Variants in PDE1C observed in about 807,000 individuals in gnomAD.
PDE1C encodes dual specificity calcium/calmodulin-dependent 3',5'-cyclic nucleotide phosphodiesterase 1C.
Under a neutral mutation model 93.1 loss-of-function variants are expected in PDE1C, and 62 were observed. The observed-to-expected ratio is 0.67, with a 90% CI of 0.54 to 0.82. The LOEUF (loss-of-function observed/expected upper bound fraction) is 0.82, where lower values mean the gene tolerates loss of function less well. Ranked by LOEUF, PDE1C falls within the 40% of genes least tolerant of loss-of-function variation. The pLI is 0.00. For synonymous variants in PDE1C, 325 were observed against 310.1 expected (o/e 1.05, Z -0.50); for missense variants, 742 against 884.6 (o/e 0.84, Z 2.04).
chr7:32,071,639 G>A (rs1322852994), upstream of PDE1C, among the ~76,000 whole-genome samples: 1 of 152,170 alleles, frequency 6.6e-6, no homozygotes, highest in Non-Finnish European at 1.5e-5. Flanking sequence ...TGTGGATGGT[G>A]ACAAAGTTTC....
intron 3 of PDE1C, among the ~76,000 whole-genome samples, chr7:32,131,817 C>T (rs1799934661): frequency 1.3e-5 from 2 of 152,076 alleles, no homozygotes; most frequent in African/African-American, 4.8e-5. Flanking sequence ...TTGTTTTAGA[C>T]ACTGGGGACA....
chr7:31,701,166 C>G, the PDE1C span, among the ~76,000 whole-genome samples: 1 of 152,100 alleles, frequency 6.6e-6, no homozygotes, highest in Non-Finnish European at 1.5e-5. Context: ...CTTCTGGAAA[C>G]AATTTGGTAT....
At chr7:31,816,245 T>A in intron 14 of PDE1C, 91 bp from the exon 15 acceptor site, 1 of 1,177,646 alleles carries the variant, frequency 8.5e-7, no homozygotes, top group Non-Finnish European at 1.2e-6. Flanking sequence ...ACAAAGAGTA[T>A]CTAAGGTGTT....
intron 1 of PDE1C, among the ~76,000 whole-genome samples, chr7:32,287,133 C>T (rs1043803848): frequency 2.0e-5 from 3 of 152,210 alleles, no homozygotes; most frequent in Non-Finnish European, 2.9e-5. Flanking sequence ...ACTGATTCTC[C>T]ACAGCATAGC....
chr7:31,821,591 A>T (rs921316339), intron 14 of PDE1C, among the ~76,000 whole-genome samples: 1 of 152,096 alleles, frequency 6.6e-6, no homozygotes, highest in African/African-American at 2.4e-5. Context: ...ATTTGAATGG[A>T]CTAGGAGAGG....
chr7:31,933,726 G>C (rs930675524), intron 2 of PDE1C, among the ~76,000 whole-genome samples: 1 of 152,156 alleles, frequency 6.6e-6, no homozygotes, highest in Non-Finnish European at 1.5e-5. Flanking sequence ...CTCACTCTAA[G>C]CTCATGAGAG....
the PDE1C span, among the ~76,000 whole-genome samples, chr7:31,740,889 C>A: frequency 3.3e-5 from 5 of 151,888 alleles, no homozygotes; most frequent in Non-Finnish European, 7.4e-5. Flanking sequence ...GGAAACGTAG[C>A]AAGACCCTGT....
At chr7:31,737,576 C>A in the PDE1C span, among the ~76,000 whole-genome samples, 1 of 151,910 alleles carries the variant, frequency 6.6e-6, no homozygotes, top group Non-Finnish European at 1.5e-5. Flanking sequence ...CTGAAGTGGG[C>A]GGATCACCTG....
the PDE1C span, among the ~76,000 whole-genome samples, chr7:31,733,928 T>C: frequency 9.2e-4 from 140 of 152,236 alleles, 1 homozygote; most frequent in Admixed American, 9.2e-3. Flanking sequence ...CGCTTGAACC[T>C]GGGAGGCGGA....
intron 2 of PDE1C, among the ~76,000 whole-genome samples, chr7:31,996,342 A>G (rs1785895725): frequency 6.6e-6 from 1 of 150,870 alleles, no homozygotes; most frequent in South Asian, 2.1e-4. Context: ...GATCACCCAC[A>G]ATGATCTTCA....
intron 2 of PDE1C, among the ~76,000 whole-genome samples, chr7:31,909,918 G>A (rs1469740484): frequency 2.6e-5 from 4 of 152,108 alleles, no homozygotes; most frequent in Admixed American, 2.6e-4. Context: ...GCTGTCCCAT[G>A]CAGTGTAGCA....
In PDE1C at chr7:32,149,901, G is replaced by T. The variant is rs149063154; in HGVS notation, c.308+19884C>A. On this transcript the variant is annotated intron_variant, in intron 3 of 18. Coordinates refer to the PDE1C transcript ENST00000396193. ...TGCCCACCCCCACTCCACCCCCATT[G>T]TGGGTAATGAAGCATAAATAAGAGA... Among the ~76,000 whole-genome samples, 894 of 152,238 alleles carry T rather than the reference G, an allele frequency of 5.9e-3. 10 individuals carry two copies. The highest frequency in any genetic ancestry group is 0.02 in the African/African-American group (842 of 41,538).
the PDE1C span, chr7:31,651,240 C>G: frequency 6.2e-7 from 1 of 1,613,428 alleles, no homozygotes; most frequent in East Asian, 2.2e-5. Flanking sequence ...AGCAGGCCCT[C>G]TTTTCCAGGG....
At chr7:31,859,487 G>GATATA (rs1794427008) in intron 7 of PDE1C, among the ~76,000 whole-genome samples, 1 of 150,214 alleles carries the variant, frequency 6.7e-6, no homozygotes, top group Admixed American at 6.7e-5. Flanking sequence ...TAGGATATAT[G>GATATA]ATATAATATA....
intron 2 of PDE1C, among the ~76,000 whole-genome samples, chr7:32,202,624 A>G (rs1170602840): frequency 6.6e-6 from 1 of 152,188 alleles, no homozygotes; most frequent in Non-Finnish European, 1.5e-5. Context: ...AAATGGGGTA[A>G]GATAAGGTGG....
intron 1 of PDE1C, among the ~76,000 whole-genome samples, chr7:32,284,197 C>T (rs1421678454): frequency 6.6e-6 from 1 of 152,188 alleles, no homozygotes; most frequent in Non-Finnish European, 1.5e-5. Context: ...GCAAAATATG[C>T]ATAATGAATT....
the PDE1C span, among the ~76,000 whole-genome samples, chr7:31,742,651 G>A: frequency 7.9e-5 from 12 of 152,188 alleles, no homozygotes; most frequent in East Asian, 1.2e-3. Flanking sequence ...ATTAATTCAC[G>A]GAACCCACCT....
rs1303010897 is a variant in PDE1C, at chr7:31,946,676, T to C, written c.129-65816A>G. 3.3e-5 allele frequency among the ~76,000 whole-genome samples: 5 copies of C among 152,178 alleles called. No homozygotes were observed. In the South Asian group the frequency reaches 1.0e-3, roughly 31 times the overall value. ...GCTTCTTTGTTGGATTACCAATAAA[T>C]AGCATGGGCTCCCAGAGCTCGGAGC... On this transcript the variant is annotated intron_variant, in intron 2 of 17. Transcript: ENST00000396191.
At chr7:31,923,236 C>T (rs1166955342) in intron 2 of PDE1C, among the ~76,000 whole-genome samples, 1 of 152,152 alleles carries the variant, frequency 6.6e-6, no homozygotes, top group Non-Finnish European at 1.5e-5. Context: ...TTGCTTCTCA[C>T]CTGGACCACA....
Sources: gnomAD v4.1 joint callset for allele counts (sites outside exome capture counted in the v4.1 genomes callset) on GRCh38, gnomAD v4.1.1 for gene constraint, MANE v1.5 for transcripts, NCBI Gene and HGNC (gene_info 2026-07-23, HGNC 2026-07-21) for gene names.